CABLES1: variants seen among roughly 807,000 people sequenced by gnomAD.
CABLES1 encodes the protein Cdk5 and Abl enzyme substrate 1.
CABLES1 carries 36 observed loss-of-function variants against 57.8 expected under a neutral mutation model. The ratio of observed to expected loss-of-function variants is 0.62; its 90% CI spans 0.48 to 0.82. CABLES1 has a LOEUF of 0.82. Ranked by LOEUF, CABLES1 falls within the 40% of genes least tolerant of loss-of-function variation. The probability of loss-of-function intolerance (pLI) is 0.00; values close to 1 mark genes in which losing one functional copy is unlikely to be tolerated. For synonymous variants in CABLES1, 374 were observed against 363.0 expected (o/e 1.03, Z -0.35); for missense variants, 767 against 836.6 (o/e 0.92, Z 1.03).
intron 4 of CABLES1, among the ~76,000 whole-genome samples, chr18:23,225,059 G>T (rs919117597): frequency 2.0e-5 from 3 of 152,196 alleles, no homozygotes; most frequent in Non-Finnish European, 4.4e-5. Context: ...GTAGAGTCGG[G>T]TTTCACCATG....
At chr18:23,166,697 C>T (rs1004723233) in intron 1 of CABLES1, among the ~76,000 whole-genome samples, 2 of 152,080 alleles carry the variant, frequency 1.3e-5, no homozygotes, top group Admixed American at 6.6e-5. Flanking sequence ...TTTTTTGTGC[C>T]GTATATATAC....
chr18:23,227,596 A>T (rs1489607284), intron 4 of CABLES1, among the ~76,000 whole-genome samples: 1 of 151,880 alleles, frequency 6.6e-6, no homozygotes, highest in African/African-American at 2.4e-5. Flanking sequence ...TTGTCTCTGA[A>T]CTCTGGAGGC....
Position 23,259,104 on chromosome 18 carries a change from A to G in CABLES1, c.*1737A>G, listed in dbSNP as rs138714913. The stretch of plus-strand genomic sequence containing the variant: ...ACTTGCTGTTTATAAAGCAAAATTG[A>G]GAAAATATTCAAGGTGCCTCCATCG... On this transcript the variant is annotated 3_prime_UTR_variant, in exon 10 of 10. Coordinates refer to ENST00000256925, the MANE Select transcript of CABLES1 (RefSeq NM_001100619.3). 1.2e-4 allele frequency: 19 copies of G among 152,214 alleles called. No individual in the cohort carries two copies. Among genetic ancestry groups the G allele is most frequent in the African/African-American group, 4.3e-4 (18 of 41,514 alleles). The allele number at this position is 152,214 out of a possible 1,614,324, so 9.4% of individuals were successfully genotyped here. A position where few individuals can be genotyped will look rare whatever the true frequency, so the allele number is the denominator to read the frequency against.
chr18:23,167,106 C>T lies in CABLES1; in HGVS notation c.846-21732C>T, dbSNP rs150083893. Among the ~76,000 whole-genome samples, 542 of 152,296 alleles carry T rather than the reference C, an allele frequency of 3.6e-3. 3 individuals are homozygous for T. The highest frequency in any genetic ancestry group is 5.4e-3 in the Non-Finnish European group (370 of 68,026). On this transcript the variant is annotated intron_variant, in intron 1 of 9. Transcript: ENST00000256925. ...GCTTCATTCACTTGATAAAACTAAT[C>T]TCAAGATCATCATCAGCGGAAATTA...
At chr18:23,217,450 T>C (rs80015779) in intron 4 of CABLES1, among the ~76,000 whole-genome samples, 1 of 152,240 alleles carries the variant, frequency 6.6e-6, no homozygotes, top group African/African-American at 2.4e-5. Flanking sequence ...GAAAAGAACA[T>C]GTTCGTTTCT....
chr18:23,174,788 G>A (rs1422310791), intron 1 of CABLES1, among the ~76,000 whole-genome samples: 1 of 123,012 alleles, frequency 8.1e-6, no homozygotes, highest in African/African-American at 3.0e-5. Flanking sequence ...TTAACATTTT[G>A]GAATATAATT....
chr18:23,166,486 A>AG (rs1284076189), intron 1 of CABLES1, among the ~76,000 whole-genome samples: 1 of 152,196 alleles, frequency 6.6e-6, no homozygotes, highest in Admixed American at 6.5e-5. Flanking sequence ...TACAGGCGTG[A>AG]GCCACCGCTC....
At position 23,156,831 on chromosome 18, in the gene CABLES1, A is replaced by G. The variant is rs1156450166; in HGVS notation, c.845+20224A>G. Among the ~76,000 whole-genome samples the G allele has an allele frequency of 2.0e-5, 3 of 152,190 alleles. No homozygotes were observed. The East Asian group carries it at 5.8e-4, about 29-fold the overall frequency. On this transcript the variant is annotated intron_variant, in intron 1 of 9. Coordinates refer to ENST00000256925, the MANE Select transcript of CABLES1 (RefSeq NM_001100619.3). ...CACTGCAGCCTGCTTCTGCTTAGGA[A>G]TGCTAGACAGCACTTCAGCACTGTG... is the stretch of plus-strand genomic sequence containing the variant.
chr18:23,210,688 G>A (rs990455311), intron 3 of CABLES1, among the ~76,000 whole-genome samples: 1 of 152,176 alleles, frequency 6.6e-6, no homozygotes, highest in Non-Finnish European at 1.5e-5. Flanking sequence ...ATCACTTGCT[G>A]CTACTTGCCT....
rs1325592855 is a variant in CABLES1, at chr18:23,136,624, C to A, written c.845+17C>A. ...GAGGTCCCGGTGAGTATCCGGGATGCGACGCGCACCCAACCCTGCGTCCCG... is the reference window on the plus strand; with the variant it reads ...GAGGTCCCGGTGAGTATCCGGGATGAGACGCGCACCCAACCCTGCGTCCCG... On this transcript the variant is annotated intron_variant, in intron 1 of 9. Coordinates refer to ENST00000256925, the MANE Select transcript of CABLES1 (RefSeq NM_001100619.3). 3.0e-6 allele frequency: 4 copies of A among 1,350,124 alleles called. No homozygotes were observed. The highest frequency in any genetic ancestry group is 1.8e-5 in the South Asian group (1 of 55,774). The allele number at this position is 1,350,124 out of a possible 1,614,324, so 83.6% of individuals were successfully genotyped here.
intron 1 of CABLES1, among the ~76,000 whole-genome samples, chr18:23,169,804 C>T (rs2047069365): frequency 6.6e-6 from 1 of 152,118 alleles, no homozygotes; most frequent in Admixed American, 6.5e-5. Context: ...GGATAGGTGC[C>T]CTGTTGCTTG....
intron 1 of CABLES1, among the ~76,000 whole-genome samples, chr18:23,188,636 A>G (rs1011577839): frequency 3.9e-5 from 6 of 152,090 alleles, no homozygotes; most frequent in African/African-American, 1.4e-4. Flanking sequence ...CCCTCTAACC[A>G]GGGAGAATGT....
rs367731401 is a variant in CABLES1 at position 23,194,404 on chromosome 18, C to T, written c.918-44C>T. 323 of 1,241,370 alleles carry T rather than the reference C, an allele frequency of 2.6e-4. 1 individual carries two copies. The African/African-American group carries it at 4.4e-3, about 17-fold the overall frequency. The allele number at this position is 1,241,370 out of a possible 1,614,324, so 76.9% of individuals were successfully genotyped here. A position where few individuals can be genotyped will look rare whatever the true frequency, so the allele number is the denominator to read the frequency against. On this transcript the variant is annotated intron_variant, in intron 2 of 9. Transcript: ENST00000256925. Reference sequence around the variant, plus strand: ...TTTATGTGGAGACGTCTCAGCTGTCCAGCAGGCAACTGACTGTGTTTTTGA... The same window carrying T: ...TTTATGTGGAGACGTCTCAGCTGTCTAGCAGGCAACTGACTGTGTTTTTGA...
chr18:23,181,360 G>C (rs537003113), intron 1 of CABLES1, among the ~76,000 whole-genome samples: 1 of 151,918 alleles, frequency 6.6e-6, no homozygotes, highest in Non-Finnish European at 1.5e-5. Flanking sequence ...GCCGGATGTG[G>C]TGGTATGCGC....
intron 1 of CABLES1, among the ~76,000 whole-genome samples, chr18:23,165,421 A>G (rs989737893): frequency 1.3e-5 from 2 of 152,116 alleles, no homozygotes; most frequent in Non-Finnish European, 2.9e-5. Flanking sequence ...TTAAGTGTAC[A>G]GTTCATAGTG....
At chr18:23,250,428 C>T (rs141076962) in intron 7 of CABLES1, among the ~76,000 whole-genome samples, 2,492 of 152,266 alleles carry the variant, frequency 0.016, 269 homozygotes, top group Admixed American at 0.15. Flanking sequence ...CAGCTTGAGG[C>T]GAGCATGTTA....
chr18:23,195,817 ATTG>A (rs1216404206), intron 3 of CABLES1, among the ~76,000 whole-genome samples: 1 of 151,880 alleles, frequency 6.6e-6, no homozygotes, highest in Non-Finnish European at 1.5e-5. Context: ...AACCATTGCT[ATTG>A]TTTTCTTTTG....
chr18:23,232,460 T>C (rs1312980644), intron 4 of CABLES1, among the ~76,000 whole-genome samples: 1 of 152,248 alleles, frequency 6.6e-6, no homozygotes, highest in Non-Finnish European at 1.5e-5. Flanking sequence ...TTTGCTTCAT[T>C]GCCTTGTTCA....
At chr18:23,219,409 A>C (rs575759234) in intron 4 of CABLES1, among the ~76,000 whole-genome samples, 1 of 152,226 alleles carries the variant, frequency 6.6e-6, no homozygotes, top group Non-Finnish European at 1.5e-5. Flanking sequence ...GCGATTCTTC[A>C]GTTAGACTTG....
Sources: allele counts gnomAD v4.1 joint callset (sites outside exome capture counted in the v4.1 genomes callset), GRCh38; gene constraint gnomAD v4.1.1; transcripts MANE v1.5; gene names NCBI Gene and HGNC (gene_info 2026-07-23, HGNC 2026-07-21).